MASP1: variants seen among roughly 807,000 people sequenced by gnomAD.
MASP1 encodes mannan-binding lectin serine protease 1.
A neutral mutation model predicts 77.1 loss-of-function variants in MASP1; 59 were observed. The observed-to-expected ratio is 0.77, with a 90% confidence interval of 0.62 to 0.95. The LOEUF is 0.95. MASP1 is among the 40% of genes least tolerant of loss of function. The pLI, the probability that MASP1 is intolerant of heterozygous loss-of-function variation, is 0.00. For missense variants in MASP1, 885 were observed against 912.9 expected, an observed-to-expected ratio of 0.97 and a Z score of 0.39; for synonymous variants, 362 against 354.5, an observed-to-expected ratio of 1.02 and a Z score of -0.24.
At chr3:187,241,630 A>G in intron 9 of MASP1, 75 bp from the exon 10 acceptor site, 1 of 990,152 alleles carries the variant, frequency 1.0e-6, no homozygotes, top group Non-Finnish European at 1.6e-6. Context: ...AGATCTGGGT[A>G]TTTAATTTCT....
chr3:187,233,349 C>T (rs1272056994), downstream of MASP1, among the ~76,000 whole-genome samples: 4 of 152,332 alleles, frequency 2.6e-5, no homozygotes, highest in South Asian at 2.1e-4. Flanking sequence ...TCAATGCCCA[C>T]TGCTCTCACT....
chr3:187,236,986 A>G (rs1448482537), intron 10 of MASP1, among the ~76,000 whole-genome samples: 1 of 152,152 alleles, frequency 6.6e-6, no homozygotes, highest in African/African-American at 2.4e-5. Flanking sequence ...ATACTTCTGA[A>G]AGTTTTCTGT....
At chr3:187,233,980 A>G, downstream of MASP1, 1 of 726,054 alleles carries the variant, frequency 1.4e-6, no homozygotes, top group Non-Finnish European at 1.9e-6. Context: ...TTTTTCTGCA[A>G]CAAGGGAGAT....
At chr3:187,284,001 T>C (rs748479581) in intron 2 of MASP1, among the ~76,000 whole-genome samples, 1 of 152,216 alleles carries the variant, frequency 6.6e-6, no homozygotes, top group African/African-American at 2.4e-5. Flanking sequence ...TACATACTCA[T>C]GGCCTCAGTG....
At chr3:187,281,359 C>T (rs698082) in intron 2 of MASP1, among the ~76,000 whole-genome samples, 107,742 of 152,180 alleles carry the variant, frequency 0.71, 38,551 homozygotes, top group African/African-American at 0.81. Context: ...GGGCAGCTTG[C>T]GGGGTTGGGC....
At chr3:187,290,000 G>A (rs891669320) in intron 1 of MASP1, among the ~76,000 whole-genome samples, 13 of 152,172 alleles carry the variant, frequency 8.5e-5, no homozygotes, top group Non-Finnish European at 1.6e-4. Flanking sequence ...TCTCGTAGTT[G>A]CTTGGCTATT....
rs142750150 is a variant in MASP1, at chr3:187,262,024, A to G, written c.415+519T>C. Among the ~76,000 whole-genome samples the G allele has an allele frequency of 8.3e-3, 1,265 of 152,326 alleles. 19 individuals are homozygous for G. Among genetic ancestry groups the G allele is most frequent in the African/African-American group, 0.029 (1,212 of 41,564 alleles). On this transcript the variant is annotated intron_variant, in intron 3 of 10. Transcript: ENST00000296280. ...AAATGAAGTTTTAGAAGAGGCAAGAACTAATCTACAGCAGAAAAAAAATCA... is the reference window on the plus strand; with the variant it reads ...AAATGAAGTTTTAGAAGAGGCAAGAGCTAATCTACAGCAGAAAAAAAATCA...
chr3:187,280,258 G>A (rs554231606), intron 2 of MASP1, among the ~76,000 whole-genome samples: 11 of 152,290 alleles, frequency 7.2e-5, no homozygotes, highest in Admixed American at 1.3e-4. Context: ...AAGAAATGTC[G>A]AATACATCAA....
chr3:187,222,542 C>T (rs182211757), intron 14 of MASP1, among the ~76,000 whole-genome samples: 7 of 152,294 alleles, frequency 4.6e-5, no homozygotes, highest in African/African-American at 1.7e-4. Context: ...TCTTTGATGG[C>T]AGCTCGTGTT....
intron 8 of MASP1, among the ~76,000 whole-genome samples, chr3:187,248,666 C>G (rs1033505189): frequency 6.6e-6 from 1 of 152,168 alleles, no homozygotes; most frequent in East Asian, 1.9e-4. Flanking sequence ...GTGGCCACCA[C>G]CACTTGAGTT....
At chr3:187,238,824 G>A (rs898564683) in intron 10 of MASP1, among the ~76,000 whole-genome samples, 2 of 152,176 alleles carry the variant, frequency 1.3e-5, no homozygotes, top group Non-Finnish European at 2.9e-5. Flanking sequence ...TATTTGCTTA[G>A]CAGGACCCCT....
chr3:187,243,523 A>C lies in MASP1; in HGVS notation c.1189T>G (p.Cys397Gly). 6.2e-7 allele frequency: 1 copy of C among 1,614,098 alleles called. No individual in the cohort carries two copies. Among genetic ancestry groups the C allele is most frequent in the Non-Finnish European group, 8.5e-7 (1 of 1,179,954 alleles). The change falls in exon 9 of 11, where the codon TGT becomes GGT. Residue 397 changes from cysteine (C) to glycine (G), a missense_variant. By Grantham distance (159) the Cys-to-Gly change is radical. Coordinates refer to ENST00000296280, the MANE Select transcript of MASP1 (RefSeq NM_139125.4). ...TTYKSEIKYSCQEPYYKMLNN... is the reference protein window; with the variant it reads ...TTYKSEIKYSGQEPYYKMLNN... ...AGCATCTTGTAATAGGGCTCCTGAC[A>C]GGAGTATTTGATCTCAGACTTGTAT...
At chr3:187,217,389 A>G (rs1711831932) in exon 16 of MASP1, 1 of 152,248 alleles carries the variant, frequency 6.6e-6, no homozygotes, top group African/African-American at 2.4e-5. Flanking sequence ...TAACAGCAGC[A>G]CTCATGGTAT....
At chr3:187,252,945 A>C (rs1292589721) in intron 6 of MASP1, among the ~76,000 whole-genome samples, 1 of 152,234 alleles carries the variant, frequency 6.6e-6, no homozygotes, top group Non-Finnish European at 1.5e-5. Flanking sequence ...ATGTTTTGAA[A>C]ACCATCAGTC....
At chr3:187,276,950 T>C (rs1399532855) in intron 2 of MASP1, 4 of 152,168 alleles carry the variant, frequency 2.6e-5, no homozygotes, top group Non-Finnish European at 4.4e-5. Context: ...CACAGAGCAT[T>C]GCACAGAAAT....
chr3:187,226,250 T>G (rs1294499692), intron 12 of MASP1: 1 of 669,006 alleles, frequency 1.5e-6, no homozygotes, highest in Non-Finnish European at 2.7e-6. Flanking sequence ...AATCATATCT[T>G]GCACTTGGAC....
chr3:187,265,235 TC>T (rs1220573664), intron 2 of MASP1, among the ~76,000 whole-genome samples: 1 of 152,164 alleles, frequency 6.6e-6, no homozygotes, highest in African/African-American at 2.4e-5. Flanking sequence ...CATTAATAGT[TC>T]CAGCTACACA....
At chr3:187,232,894 T>C (rs540942672), downstream of MASP1, among the ~76,000 whole-genome samples, 5 of 152,320 alleles carry the variant, frequency 3.3e-5, no homozygotes, top group South Asian at 1.0e-3. Flanking sequence ...AAGGATGGCA[T>C]TTTCATTATG....
At chr3:187,253,991 G>A (rs1714853813) in intron 5 of MASP1, among the ~76,000 whole-genome samples, 1 of 110,876 alleles carries the variant, frequency 9.0e-6, no homozygotes, top group Non-Finnish European at 1.8e-5. Context: ...ATGTATCCCA[G>A]TACTTAAAGT....
Sources: gnomAD v4.1 joint callset for allele counts (sites outside exome capture counted in the v4.1 genomes callset) on GRCh38, gnomAD v4.1.1 for gene constraint, MANE v1.5 for transcripts, NCBI Gene and HGNC (gene_info 2026-07-23, HGNC 2026-07-21) for gene names.